RBMS1: variants seen among roughly 807,000 people sequenced by gnomAD.
RBMS1 encodes the protein RNA-binding motif, single-stranded-interacting protein 1.
A neutral mutation model predicts 62.3 loss-of-function variants in RBMS1; 17 were observed. The observed-to-expected ratio is 0.27, with a 90% CI of 0.19 to 0.41. The LOEUF (loss-of-function observed/expected upper bound fraction) is 0.41. Among genes scored for constraint, RBMS1 ranks in the 10% least tolerant of loss-of-function variants. The probability of loss-of-function intolerance (pLI) is 1.00; values close to 1 mark genes in which losing one functional copy is unlikely to be tolerated. For missense variants in RBMS1, 334 were observed against 504.5 expected, an observed-to-expected ratio of 0.66 and a Z score of 3.24; for synonymous variants, 172 against 170.0, an observed-to-expected ratio of 1.01 and a Z score of -0.09.
At chr2:160,437,714 T>C (rs1360328814) in intron 1 of RBMS1, among the ~76,000 whole-genome samples, 1 of 152,264 alleles carries the variant, frequency 6.6e-6, no homozygotes. Context: ...GTTCAAATTC[T>C]GAGGGCTACA....
At chr2:160,407,716 C>T in intron 1 of RBMS1, 1 of 981,540 alleles carries the variant, frequency 1.0e-6, no homozygotes, top group South Asian at 4.7e-5. Context: ...CCTCCGCCTT[C>T]GACCTCCGCA....
At chr2:160,346,948 G>A (rs1692217036) in intron 2 of RBMS1, among the ~76,000 whole-genome samples, 1 of 152,014 alleles carries the variant, frequency 6.6e-6, no homozygotes, top group African/African-American at 2.4e-5. Flanking sequence ...TGAAAAGAAT[G>A]ATTATGAAAG....
chr2:160,460,249 G>A (rs1024810567), intron 1 of RBMS1, among the ~76,000 whole-genome samples: 2 of 152,212 alleles, frequency 1.3e-5, no homozygotes, highest in African/African-American at 4.8e-5. Context: ...AAGGCACCAA[G>A]TCAGAGGAAC....
At chr2:160,485,170 A>G (rs988799087) in intron 1 of RBMS1, among the ~76,000 whole-genome samples, 13 of 152,318 alleles carry the variant, frequency 8.5e-5, no homozygotes, top group African/African-American at 3.1e-4. Context: ...CAGCACAAGA[A>G]AACAGGTGAG....
chr2:160,298,035 A>G (rs1048984649), intron 6 of RBMS1, among the ~76,000 whole-genome samples: 1 of 152,224 alleles, frequency 6.6e-6, no homozygotes, highest in African/African-American at 2.4e-5. Flanking sequence ...TTAGAGAGGT[A>G]AGAAGAAATA....
intron 1 of RBMS1, among the ~76,000 whole-genome samples, chr2:160,477,344 T>G (rs1685186981): frequency 6.6e-6 from 1 of 152,138 alleles, no homozygotes; most frequent in Non-Finnish European, 1.5e-5. Context: ...GAGACTCTGT[T>G]TCAACAACAA....
chr2:160,446,386 T>C (rs1301297582), intron 1 of RBMS1, among the ~76,000 whole-genome samples: 2 of 152,028 alleles, frequency 1.3e-5, no homozygotes, highest in Non-Finnish European at 2.9e-5. Flanking sequence ...GCTGAGCCCA[T>C]ATCTGTCTCC....
At chr2:160,419,010 C>T (rs187397319) in intron 1 of RBMS1, among the ~76,000 whole-genome samples, 177 of 152,232 alleles carry the variant, frequency 1.2e-3, no homozygotes, top group African/African-American at 4.0e-3. Context: ...TTAAAACAAG[C>T]TTATGACTTT....
chr2:160,408,138 C>CA (rs1376621705), intron 1 of RBMS1, among the ~76,000 whole-genome samples: 1 of 151,880 alleles, frequency 6.6e-6, no homozygotes, highest in Non-Finnish European at 1.5e-5. Context: ...GCATGCCGCA[C>CA]ATTCCTCGGA....
intron 1 of RBMS1, among the ~76,000 whole-genome samples, chr2:160,491,339 A>G (rs180816901): frequency 7.2e-5 from 11 of 152,384 alleles, no homozygotes; most frequent in Non-Finnish European, 5.9e-5. Flanking sequence ...ATTTAATTGT[A>G]GAATTAGCAA....
At chr2:160,376,114 A>G (rs996520828) in intron 1 of RBMS1, among the ~76,000 whole-genome samples, 3 of 152,186 alleles carry the variant, frequency 2.0e-5, no homozygotes, top group Non-Finnish European at 4.4e-5. Context: ...CTGAGATTGT[A>G]AAGTCCTCAG....
chr2:160,387,709 C>T lies in RBMS1; in HGVS notation c.76-20318G>A, dbSNP rs560768485. ...CTCAATATATGCTCAGGAATCTCTC[C>T]TTTTTGTGACAGCCTCCCCCACAAA... On this transcript the variant is annotated intron_variant, in intron 1 of 13. Coordinates refer to ENST00000348849, the MANE Select transcript of RBMS1 (RefSeq NM_016836.4). Among the ~76,000 whole-genome samples, 76 of 152,206 alleles carry T rather than the reference C, an allele frequency of 5.0e-4. 1 individual carries two copies. The highest frequency in any genetic ancestry group is 1.5e-3 in the African/African-American group (61 of 41,530).
intron 3 of RBMS1, among the ~76,000 whole-genome samples, chr2:160,313,568 TA>T (rs1437334352): frequency 2.0e-5 from 3 of 148,942 alleles, no homozygotes; most frequent in African/African-American, 7.4e-5. Context: ...AAAAGAAATT[TA>T]AAAAAAAAGG....
intron 1 of RBMS1, chr2:160,492,997 G>C: frequency 3.0e-6 from 1 of 330,132 alleles, no homozygotes; most frequent in Non-Finnish European, 5.5e-6. Context: ...GGCGCCGCTC[G>C]ACCCCACGAC....
chr2:160,365,816 G>A (rs995756590), intron 2 of RBMS1, among the ~76,000 whole-genome samples: 2 of 152,116 alleles, frequency 1.3e-5, no homozygotes, highest in Non-Finnish European at 2.9e-5. Flanking sequence ...ATAAGACAAC[G>A]CCACTGAAAG....
intron 1 of RBMS1, among the ~76,000 whole-genome samples, chr2:160,482,132 A>G (rs1685397101): frequency 6.6e-6 from 1 of 152,236 alleles, no homozygotes; most frequent in East Asian, 1.9e-4. Context: ...ATAGCATTAA[A>G]AAAAGAACCA....
intron 2 of RBMS1, among the ~76,000 whole-genome samples, chr2:160,334,274 T>C (rs544695370): frequency 2.2e-4 from 34 of 152,266 alleles, no homozygotes; most frequent in Admixed American, 1.8e-3. Flanking sequence ...GAAGGAGAAT[T>C]TGTTATTTCT....
chr2:160,349,829 T>TG (rs534987737), intron 2 of RBMS1, among the ~76,000 whole-genome samples: 387 of 20,686 alleles, frequency 0.019, 1 homozygote, highest in African/African-American at 0.062. Context: ...CAAAGCGGGG[T>TG]GGGGGGGTGG....
chr2:160,442,740 C>T (rs1207799835), intron 1 of RBMS1, among the ~76,000 whole-genome samples: 5 of 152,114 alleles, frequency 3.3e-5, no homozygotes, highest in Non-Finnish European at 5.9e-5. Flanking sequence ...AAAATATCCA[C>T]GACTTGTTCC....
Sources: allele counts gnomAD v4.1 joint callset (sites outside exome capture counted in the v4.1 genomes callset), GRCh38; gene constraint gnomAD v4.1.1; transcripts MANE v1.5; gene names NCBI Gene and HGNC (gene_info 2026-07-23, HGNC 2026-07-21).